Variants in VPS53 observed in about 807,000 individuals in gnomAD.
VPS53 encodes the protein VPS53 subunit of GARP complex.
In VPS53, 70 loss-of-function variants were observed where a neutral mutation model predicts 107.0. The observed-to-expected ratio is 0.65, with a 90% confidence interval of 0.54 to 0.80. VPS53 has a LOEUF of 0.80. Among genes scored for constraint, VPS53 ranks in the 30% least tolerant of loss-of-function variants. The pLI, the probability that VPS53 is intolerant of heterozygous loss-of-function variation, is 0.00. For synonymous variants in VPS53, 409 were observed against 393.3 expected (o/e 1.04, Z -0.47); for missense variants, 917 against 1,049.4 (o/e 0.87, Z 1.74).
In VPS53 at chr17:520,026, A is replaced by G. The variant is rs2151791997; in HGVS notation, c.2224-96T>C. The G allele has an allele frequency of 1.2e-6, 1 of 817,268 alleles. No individual in the cohort carries two copies. The highest frequency in any genetic ancestry group is 2.0e-6 in the Non-Finnish European group (1 of 495,584). 50.6% of individuals were successfully genotyped at this position (817,268 alleles called of 1,614,324 possible). On this transcript the variant is annotated intron_variant, in intron 20 of 21. Transcript: ENST00000437048. This position sits in a 1 kb window ranked among gnomAD's most constrained non-coding sequence, Gnocchi z 4.4. The stretch of plus-strand genomic sequence containing the variant: ...CTCAAGAAAACTCACTACCCACCGC[A>G]GGAGGAGACGGGAGCGGGCCCTTCA...
At chr17:596,829 T>G (rs895059010) in intron 12 of VPS53, among the ~76,000 whole-genome samples, 3 of 152,220 alleles carry the variant, frequency 2.0e-5, no homozygotes, top group African/African-American at 7.2e-5. Context: ...GGCCGGGTTC[T>G]GAGTGTGTGA....
intron 1 of VPS53, among the ~76,000 whole-genome samples, chr17:712,177 CTT>C (rs35522489): frequency 0.053 from 5,179 of 98,280 alleles, 118 homozygotes; most frequent in Middle Eastern, 0.16. Flanking sequence ...TGACTTTCGC[CTT>C]TTTTTTTTTT....
chr17:616,783 T>C (rs960398627), intron 11 of VPS53, among the ~76,000 whole-genome samples: 1 of 152,258 alleles, frequency 6.6e-6, no homozygotes, highest in African/African-American at 2.4e-5. Flanking sequence ...TCTACGTGGT[T>C]ACCCTGTTCA....
At chr17:569,816 G>C (rs1412823910) in intron 13 of VPS53, among the ~76,000 whole-genome samples, 1 of 151,722 alleles carries the variant, frequency 6.6e-6, no homozygotes, top group East Asian at 1.9e-4. Context: ...AGCTACTTGG[G>C]AGGCTGAGGC....
In VPS53 at chr17:714,736, C is replaced by T; in HGVS notation, c.-27G>A. The T allele has an allele frequency of 1.2e-6, 2 of 1,612,758 alleles. No homozygotes were observed. Among genetic ancestry groups the T allele is most frequent in the Non-Finnish European group, 1.7e-6 (2 of 1,179,342 alleles). Reference sequence around the variant, plus strand: ...CCGCCACCCGGCCCCCTGCCGACCCCCGCCGCGAGCCCAACTCAGGCCTCC... The same window carrying T: ...CCGCCACCCGGCCCCCTGCCGACCCTCGCCGCGAGCCCAACTCAGGCCTCC... On this transcript the variant is annotated 5_prime_UTR_variant, in exon 1 of 22. Coordinates refer to ENST00000437048, the MANE Select transcript of VPS53 (RefSeq NM_001128159.3).
chr17:610,064 G>A (rs1406663977), intron 11 of VPS53, among the ~76,000 whole-genome samples: 3 of 151,650 alleles, frequency 2.0e-5, no homozygotes, highest in Non-Finnish European at 2.9e-5. Context: ...CCAGGAGGCA[G>A]AGCTTGCAGT....
chr17:582,151 CAGAACCTAATGTG>C (rs1967057965), intron 13 of VPS53, among the ~76,000 whole-genome samples: 1 of 139,880 alleles, frequency 7.1e-6, no homozygotes, highest in Non-Finnish European at 1.6e-5. Flanking sequence ...GAACTTCCCT[CAGAACCTAATGTG>C]TTCCCAGAGA....
chr17:702,615 G>A (rs946544733), intron 2 of VPS53, among the ~76,000 whole-genome samples: 8 of 152,054 alleles, frequency 5.3e-5, no homozygotes, highest in Admixed American at 3.9e-4. Context: ...GCGGTGAGCC[G>A]AGATCGCGCC....
intron 10 of VPS53, among the ~76,000 whole-genome samples, chr17:623,919 A>G (rs1048203101): frequency 1.3e-5 from 2 of 151,474 alleles, no homozygotes; most frequent in Non-Finnish European, 2.9e-5. Context: ...ATATATACTT[A>G]TATTTATTTG....
intron 17 of VPS53, among the ~76,000 whole-genome samples, chr17:539,549 T>A (rs1242675557): frequency 6.6e-6 from 1 of 152,214 alleles, no homozygotes; most frequent in African/African-American, 2.4e-5. Context: ...TTACCTTTAG[T>A]ATTTTTTAAA....
chr17:675,180 T>G (rs1468688854), intron 4 of VPS53: 2 of 152,204 alleles, frequency 1.3e-5, no homozygotes, highest in Non-Finnish European at 2.9e-5. Context: ...CAAACGGTCC[T>G]AGAACCTGCC....
chr17:572,781 G>A (rs1249575672), intron 13 of VPS53, among the ~76,000 whole-genome samples: 1 of 148,532 alleles, frequency 6.7e-6, no homozygotes, highest in East Asian at 1.9e-4. Flanking sequence ...GGGTTAAATG[G>A]ATTAAGGGCA....
At chr17:630,993 G>A (rs1969935388) in intron 8 of VPS53, among the ~76,000 whole-genome samples, 1 of 152,182 alleles carries the variant, frequency 6.6e-6, no homozygotes, top group African/African-American at 2.4e-5. Context: ...TGTTACATGA[G>A]AAGTGCAACC....
chr17:550,489 T>A (rs1056358657), intron 17 of VPS53, among the ~76,000 whole-genome samples: 1 of 152,202 alleles, frequency 6.6e-6, no homozygotes, highest in Non-Finnish European at 1.5e-5. Context: ...AGATAATACA[T>A]AAATAAAGGA....
In VPS53 at chr17:519,695, C is replaced by T. The variant is rs1209966057; in HGVS notation, c.2328+131G>A. 60 of 718,596 alleles carry T rather than the reference C, an allele frequency of 8.3e-5. No homozygotes were observed. Among genetic ancestry groups the T allele is most frequent in the Non-Finnish European group, 9.9e-5 (42 of 423,496 alleles). 44.5% of individuals were successfully genotyped at this position (718,596 alleles called of 1,614,324 possible). A position where few individuals can be genotyped will look rare whatever the true frequency, so the allele number is the denominator to read the frequency against. On this transcript the variant is annotated intron_variant, in intron 21 of 21. Coordinates refer to ENST00000437048, the MANE Select transcript of VPS53 (RefSeq NM_001128159.3). The surrounding 1 kb of genome is among the most constrained non-coding windows in gnomAD (Gnocchi z 5.0). Reference sequence around the variant, plus strand: ...CCTCCTCCAGAGGCTTCTCTGAATCCGGTTTGCTCTGTGGAGCCAGGCACA... The same window carrying T: ...CCTCCTCCAGAGGCTTCTCTGAATCTGGTTTGCTCTGTGGAGCCAGGCACA...
chr17:627,124 G>T (rs781730585), intron 10 of VPS53, 50 bp downstream of exon 10: 1 of 1,579,214 alleles, frequency 6.3e-7, no homozygotes, highest in Non-Finnish European at 8.6e-7. Flanking sequence ...CTGGGGAACC[G>T]ATGGTGAAAA....
At chr17:567,910 G>A (rs1913686216) in intron 13 of VPS53, among the ~76,000 whole-genome samples, 2 of 151,590 alleles carry the variant, frequency 1.3e-5, no homozygotes, top group African/African-American at 4.9e-5. Context: ...GGGGAGGGGA[G>A]GGGAAGGGAG....
At chr17:585,912 A>T (rs1347840721) in intron 13 of VPS53, among the ~76,000 whole-genome samples, 1 of 152,146 alleles carries the variant, frequency 6.6e-6, no homozygotes, top group African/African-American at 2.4e-5. Flanking sequence ...TAAAAGGATA[A>T]ATTATACTTG....
chr17:701,065 T>G (rs932710111), intron 2 of VPS53, among the ~76,000 whole-genome samples: 7 of 152,234 alleles, frequency 4.6e-5, no homozygotes, highest in Non-Finnish European at 1.0e-4. Context: ...GGCTCATGCC[T>G]GTAATCCCAG....
Sources: gnomAD v4.1 joint callset for allele counts (sites outside exome capture counted in the v4.1 genomes callset) on GRCh38, gnomAD v4.1.1 for gene constraint, Gnocchi (gnomAD v3.1) non-coding constraint, MANE v1.5 for transcripts, NCBI Gene and HGNC (gene_info 2026-07-23, HGNC 2026-07-21) for gene names.